Variants in NQO1 observed in about 807,000 individuals in gnomAD.
The protein encoded by NQO1 is NAD(P)H dehydrogenase [quinone] 1.
In NQO1, 30 loss-of-function variants were observed where a neutral mutation model predicts 32.1. The observed-to-expected ratio is 0.94, with a 90% CI of 0.70 to 1.27. The LOEUF is 1.27. NQO1 is among the 50% of genes most tolerant of loss of function. NQO1 has a pLI of 0.00. For synonymous variants in NQO1, 109 were observed against 119.7 expected, an observed-to-expected ratio of 0.91 and a Z score of 0.59; for missense variants, 276 against 331.3, an observed-to-expected ratio of 0.83 and a Z score of 1.30.
At chr16:69,722,992 A>G (rs2038212780) in intron 1 of NQO1, among the ~76,000 whole-genome samples, 2 of 152,120 alleles carry the variant, frequency 1.3e-5, no homozygotes. Context: ...CAGTGGCGCG[A>G]TCTCGGCTCA....
chr16:69,713,027 C>A lies in NQO1; in HGVS notation c.519+1G>T, dbSNP rs141820737. The A allele has an allele frequency of 6.2e-7, 1 of 1,611,276 alleles. No homozygotes were observed. The highest frequency in any genetic ancestry group is 1.1e-5 in the South Asian group (1 of 90,872). On this transcript the variant is annotated splice_donor_variant, in intron 5 of 5. Coordinates refer to ENST00000320623, the MANE Select transcript of NQO1 (RefSeq NM_000903.3). LOFTEE classifies it high-confidence loss of function. ...AAAGAAAAGAAAAGAAAATGAGGTA[C>A]CTGAATTGGCCAGAGAATGACATTC...
Position 69,710,723 on chromosome 16 carries a change from T to A in NQO1, c.*253A>T. 7.0e-6 allele frequency: 3 copies of A among 427,022 alleles called. No homozygotes were observed. Among genetic ancestry groups the A allele is most frequent in the South Asian group, 4.1e-5 (1 of 24,144 alleles). 26.5% of individuals were successfully genotyped at this position (427,022 alleles called of 1,614,324 possible). ...TTGTGTAGATGCCTTTAAAGAACAT[T>A]TTTCTAGCATCTTTCTACATCTTTC... On this transcript the variant is annotated 3_prime_UTR_variant, in exon 6 of 6. Transcript: ENST00000320623.
chr16:69,711,625 A>ATAAC (rs1192301771), intron 5 of NQO1, among the ~76,000 whole-genome samples: 1 of 150,448 alleles, frequency 6.6e-6, no homozygotes, highest in Non-Finnish European at 1.5e-5. Context: ...GCCTCTCCAT[A>ATAAC]TAACTAGATG....
At chr16:69,712,964 G>T (rs1597596166) in intron 5 of NQO1, 64 bp downstream of exon 5, 2 of 1,352,672 alleles carry the variant, frequency 1.5e-6, no homozygotes, top group East Asian at 2.3e-5. Context: ...CTGCACTCCA[G>T]CCTAGATGAC....
chr16:69,716,864 T>C (rs1002145167), intron 3 of NQO1, among the ~76,000 whole-genome samples: 5 of 151,900 alleles, frequency 3.3e-5, no homozygotes, highest in African/African-American at 1.2e-4. Context: ...GGTGGGAGGA[T>C]CATTTGAGCC....
chr16:69,721,568 T>C (rs1299782019), intron 1 of NQO1, among the ~76,000 whole-genome samples: 1 of 152,066 alleles, frequency 6.6e-6, no homozygotes, highest in African/African-American at 2.4e-5. Context: ...CAGCACAAAA[T>C]AGACTGAGAC....
intron 4 of NQO1, among the ~76,000 whole-genome samples, chr16:69,713,432 G>T (rs148999130): frequency 6.6e-6 from 1 of 152,144 alleles, no homozygotes; most frequent in African/African-American, 2.4e-5. Context: ...TGGAGTTATT[G>T]GTTGTTCTTA....
intron 1 of NQO1, among the ~76,000 whole-genome samples, chr16:69,722,364 G>A (rs745544356): frequency 1.3e-4 from 20 of 152,238 alleles, no homozygotes; most frequent in Non-Finnish European, 2.6e-4. Flanking sequence ...GAGACACCAT[G>A]TTAGCCAGGA....
intron 1 of NQO1, among the ~76,000 whole-genome samples, chr16:69,725,742 C>T (rs970614818): frequency 1.3e-5 from 2 of 152,186 alleles, no homozygotes; most frequent in African/African-American, 2.4e-5. Flanking sequence ...CGCATGATGG[C>T]GCACTCCTGT....
At position 69,709,776 on chromosome 16, in the gene NQO1, T is replaced by C. The variant is rs1335024093; in HGVS notation, c.*1200A>G. 7.5e-6 allele frequency: 3 copies of C among 398,496 alleles called. No homozygotes were observed. Among genetic ancestry groups the C allele is most frequent in the Admixed American group, 4.4e-5 (1 of 22,706 alleles). 24.7% of individuals were successfully genotyped at this position (398,496 alleles called of 1,614,324 possible). ...TTCCAGAAGTAGAAATTGACTATTA[T>C]GCCAAAACTGTTCACCAAAGTTGAT... On this transcript the variant is annotated 3_prime_UTR_variant, in exon 6 of 6. Transcript: ENST00000320623.
intron 5 of NQO1, among the ~76,000 whole-genome samples, chr16:69,712,247 G>T (rs975330906): frequency 2.9e-5 from 4 of 140,244 alleles, no homozygotes; most frequent in Non-Finnish European, 4.7e-5. Flanking sequence ...AGCTAATTTT[G>T]TTTTTTTTTT....
In NQO1 at chr16:69,710,307, T is replaced by C. The variant is rs1008706115; in HGVS notation, c.*669A>G. On this transcript the variant is annotated 3_prime_UTR_variant, in exon 6 of 6. Transcript: ENST00000320623. ...GAGATCACACCACTGCACTCCAGCC[T>C]GGGTAACAGAGCAAGACTGCTTCAA... 3.3e-5 allele frequency: 5 copies of C among 151,984 alleles called. No homozygotes were observed. Among genetic ancestry groups the C allele is most frequent in the African/African-American group, 1.2e-4 (5 of 41,320 alleles). 9.4% of individuals were successfully genotyped at this position (151,984 alleles called of 1,614,324 possible).
intron 3 of NQO1, 83 bp from the exon 4 acceptor site, chr16:69,715,160 A>C: frequency 1.1e-6 from 1 of 930,442 alleles, no homozygotes; most frequent in Non-Finnish European, 1.8e-6. Context: ...GCCGCTCCCC[A>C]TGATGGCACT....
chr16:69,710,712 TTAAA>T lies in NQO1; in HGVS notation c.*260_*263del. 1 of 396,848 alleles carries T rather than the reference TTAAA, an allele frequency of 2.5e-6. No individual in the cohort carries two copies. The highest frequency in any genetic ancestry group is 4.5e-6 in the Non-Finnish European group (1 of 222,590). 24.6% of individuals were successfully genotyped at this position (396,848 alleles called of 1,614,324 possible). A position where few individuals can be genotyped will look rare whatever the true frequency, so the allele number is the denominator to read the frequency against. On this transcript the variant is annotated 3_prime_UTR_variant, in exon 6 of 6. Transcript: ENST00000320623. ...GAGGAATTAAATTGTGTAGATGCCTTTAAAGAACATTTTTCTAGCATCTTTCTAC... is the reference window on the plus strand; with the variant it reads ...GAGGAATTAAATTGTGTAGATGCCTTGAACATTTTTCTAGCATCTTTCTAC...
At position 69,726,493 on chromosome 16, in the gene NQO1, AC is replaced by A; in HGVS notation, c.-55del. On this transcript the variant is annotated 5_prime_UTR_variant, in exon 1 of 6. Transcript: ENST00000320623. ...GGCTGGGCTCGTGGTTGCCGGGGCG[AC>A]CCTGGCCGGAACTAGGCTCTCGGTG... 6.3e-7 allele frequency: 1 copy of A among 1,583,614 alleles called. No homozygotes were observed.
At chr16:69,726,304 C>A in intron 1 of NQO1, 129 bp downstream of exon 1, 1 of 1,313,774 alleles carries the variant, frequency 7.6e-7, no homozygotes, top group Non-Finnish European at 1.1e-6. Context: ...CATCCCAGGT[C>A]CCTAATCTCT....
At chr16:69,711,556 T>C (rs930712743) in intron 5 of NQO1, among the ~76,000 whole-genome samples, 2 of 152,176 alleles carry the variant, frequency 1.3e-5, no homozygotes, top group African/African-American at 2.4e-5. Flanking sequence ...TCTGTTACTT[T>C]AGGGAGTCTC....
At chr16:69,712,771 G>C (rs1179264058) in intron 5 of NQO1, among the ~76,000 whole-genome samples, 1 of 152,190 alleles carries the variant, frequency 6.6e-6, no homozygotes, top group Non-Finnish European at 1.5e-5. Context: ...TTGGGAGGCT[G>C]AGGCAGGAGA....
chr16:69,722,608 G>C (rs560859932), intron 1 of NQO1, among the ~76,000 whole-genome samples: 159 of 152,214 alleles, frequency 1.0e-3, no homozygotes, highest in Non-Finnish European at 1.3e-3. Flanking sequence ...TCAGCGAAGT[G>C]TAACTTTCAG....
Sources: allele counts gnomAD v4.1 joint callset (sites outside exome capture counted in the v4.1 genomes callset), GRCh38; gene constraint gnomAD v4.1.1; transcripts MANE v1.5; gene names NCBI Gene and HGNC (gene_info 2026-07-23, HGNC 2026-07-21).